Variants in CENPU observed in about 807,000 individuals in gnomAD.
The protein encoded by CENPU is centromere protein U.
A neutral mutation model predicts 56.7 loss-of-function variants in CENPU; 46 were observed. That is an observed-to-expected ratio of 0.81 (90% CI 0.64 to 1.04). CENPU has a LOEUF of 1.04. Among genes scored for constraint, CENPU ranks in the 50% least tolerant of loss-of-function variants. CENPU has a pLI of 0.00. For missense variants in CENPU, 510 were observed against 490.1 expected (o/e 1.04, Z -0.38); for synonymous variants, 166 against 163.0 (o/e 1.02, Z -0.14).
At chr4:184,720,807 A>C (rs1761249478) in intron 4 of CENPU, among the ~76,000 whole-genome samples, 1 of 152,182 alleles carries the variant, frequency 6.6e-6, no homozygotes, top group Non-Finnish European at 1.5e-5. Flanking sequence ...AAACATGAAA[A>C]AGAAATAAAG....
Position 184,695,386 on chromosome 4 carries a change from G to A in CENPU, c.1159C>T (p.Leu387Phe), listed in dbSNP as rs1451111578. The A allele has an allele frequency of 6.2e-7, 1 of 1,612,316 alleles. No homozygotes were observed. The highest frequency in any genetic ancestry group is 8.5e-7 in the Non-Finnish European group (1 of 1,178,550). ...CTTGCTTTAAATAACAGAGCTGGAA[G>A]GCTGGATGAATCATACTGTTGAAAG... ...NVKETYDSSS[L>F]PALLFKARTL... Residue 387 changes from leucine (L) to phenylalanine (F), a missense_variant, in exon 13 of 13, where the codon CTT becomes TTT. Physicochemically the swap from Leu to Phe is conservative, Grantham distance 22 (BLOSUM62 0). Transcript: ENST00000281453.
intron 8 of CENPU, among the ~76,000 whole-genome samples, chr4:184,702,792 T>C (rs1476025585): frequency 6.6e-6 from 1 of 152,202 alleles, no homozygotes; most frequent in Non-Finnish European, 1.5e-5. Flanking sequence ...ACCCAGTGTT[T>C]AGCTCCCACT....
chr4:184,700,924 T>C, intron 10 of CENPU, 43 bp from the exon 11 acceptor site: 2 of 1,489,786 alleles, frequency 1.3e-6, no homozygotes, highest in African/African-American at 2.7e-5. Flanking sequence ...TTTGTAACTG[T>C]TTGAGCACTG....
intron 2 of CENPU, among the ~76,000 whole-genome samples, chr4:184,730,067 T>C (rs565960297): frequency 6.6e-6 from 1 of 152,224 alleles, no homozygotes; most frequent in East Asian, 1.9e-4. Flanking sequence ...TCCCAAGGCA[T>C]AGGGGGCCTC....
At chr4:184,721,840 C>T (rs1761288709) in intron 4 of CENPU, among the ~76,000 whole-genome samples, 1 of 152,164 alleles carries the variant, frequency 6.6e-6, no homozygotes, top group Non-Finnish European at 1.5e-5. Flanking sequence ...GAGAGATCTT[C>T]CAGACAGACA....
rs375972738 is a variant in CENPU at position 184,722,679 on chromosome 4, G to C, written c.320+2278C>G. 5.4e-5 allele frequency among the ~76,000 whole-genome samples: 8 copies of C among 148,900 alleles called. No individual in the cohort carries two copies. In the South Asian group the frequency reaches 1.5e-3, roughly 28 times the overall value. On this transcript the variant is annotated intron_variant, in intron 4 of 12. Coordinates refer to ENST00000281453, the MANE Select transcript of CENPU (RefSeq NM_024629.4). ...CCATTAGGTGTTTTGTCAAAAGAGAGATGAACCAGTAAAAACAAAACAAAA... is the reference window on the plus strand; with the variant it reads ...CCATTAGGTGTTTTGTCAAAAGAGACATGAACCAGTAAAAACAAAACAAAA...
chr4:184,699,952 C>T (rs185174959), intron 11 of CENPU, among the ~76,000 whole-genome samples: 154 of 152,334 alleles, frequency 1.0e-3, no homozygotes, highest in African/African-American at 3.5e-3. Context: ...CCACCGTGCC[C>T]GGCCTAGCAG....
chr4:184,727,358 T>A (rs1011225880), intron 3 of CENPU, among the ~76,000 whole-genome samples: 1 of 152,146 alleles, frequency 6.6e-6, no homozygotes, highest in African/African-American at 2.4e-5. Flanking sequence ...TGGATGGTGA[T>A]GATGGTTGCA....
chr4:184,719,859 A>G (rs1183964496), intron 4 of CENPU, among the ~76,000 whole-genome samples: 1 of 152,220 alleles, frequency 6.6e-6, no homozygotes, highest in African/African-American at 2.4e-5. Flanking sequence ...AATGCAGATC[A>G]CAACACCTAA....
chr4:184,699,359 A>T (rs538865165), intron 11 of CENPU, among the ~76,000 whole-genome samples: 1 of 133,670 alleles, frequency 7.5e-6, no homozygotes, highest in East Asian at 1.9e-4. Flanking sequence ...AATAAATAAA[A>T]TAAACTTGTC....
At chr4:184,733,336 C>T (rs1209124576) in intron 1 of CENPU, 4 of 986,566 alleles carry the variant, frequency 4.1e-6, no homozygotes, top group Admixed American at 6.1e-5. Flanking sequence ...CGGGGGAACT[C>T]CTGTTCTCTT....
At chr4:184,699,953 G>A (rs538912772) in intron 11 of CENPU, among the ~76,000 whole-genome samples, 1 of 152,296 alleles carries the variant, frequency 6.6e-6, no homozygotes, top group Admixed American at 6.5e-5. Flanking sequence ...CACCGTGCCC[G>A]GCCTAGCAGC....
chr4:184,725,478 T>A (rs1579794267), intron 3 of CENPU, among the ~76,000 whole-genome samples: 1 of 152,330 alleles, frequency 6.6e-6, no homozygotes. Context: ...GCTAATTTTT[T>A]AATTATCTGT....
At chr4:184,703,044 T>A (rs1292892031) in intron 8 of CENPU, among the ~76,000 whole-genome samples, 1 of 152,154 alleles carries the variant, frequency 6.6e-6, no homozygotes, top group East Asian at 1.9e-4. Context: ...GAGAGCACCA[T>A]TTTAAATAAC....
chr4:184,711,473 A>G (rs1294448787), intron 7 of CENPU, among the ~76,000 whole-genome samples: 1 of 152,182 alleles, frequency 6.6e-6, no homozygotes, highest in African/African-American at 2.4e-5. Flanking sequence ...AATATTAACC[A>G]TAATCACCCT....
chr4:184,703,203 T>C (rs1015146748), intron 8 of CENPU, among the ~76,000 whole-genome samples: 2 of 152,224 alleles, frequency 1.3e-5, no homozygotes, highest in East Asian at 1.9e-4. Context: ...CCAAGTAAGG[T>C]AGAAATGCTT....
chr4:184,718,011 T>C (rs1262446007), intron 4 of CENPU, among the ~76,000 whole-genome samples: 1 of 152,148 alleles, frequency 6.6e-6, no homozygotes, highest in African/African-American at 2.4e-5. Flanking sequence ...TAACGAACGC[T>C]AGGGAAGAGT....
chr4:184,715,730 GA>G (rs1761068412), intron 6 of CENPU, among the ~76,000 whole-genome samples: 1 of 152,174 alleles, frequency 6.6e-6, no homozygotes, highest in African/African-American at 2.4e-5. Flanking sequence ...AGCAATTCTT[GA>G]TTAGTAAGAG....
chr4:184,703,492 AAAC>A (rs1003005973), intron 8 of CENPU, among the ~76,000 whole-genome samples: 13 of 152,198 alleles, frequency 8.5e-5, no homozygotes, highest in South Asian at 4.1e-4. Context: ...AAAAAAAACA[AAAC>A]AACAAGTGTT....
Sources: allele counts gnomAD v4.1 joint callset (sites outside exome capture counted in the v4.1 genomes callset), GRCh38; gene constraint gnomAD v4.1.1; transcripts MANE v1.5; gene names NCBI Gene and HGNC (gene_info 2026-07-23, HGNC 2026-07-21).